COL6A3: variants seen among roughly 807,000 people sequenced by gnomAD.
COL6A3 encodes collagen type VI alpha 3 chain, also known as collagen alpha-3(VI) chain.
COL6A3 carries 137 observed loss-of-function variants against 274.1 expected under a neutral mutation model. The observed-to-expected ratio is 0.50, with a 90% CI of 0.44 to 0.58. The LOEUF is 0.58. Among genes scored for constraint, COL6A3 ranks in the 20% least tolerant of loss-of-function variants. COL6A3 has a pLI of 0.00. For synonymous variants in COL6A3, 1,650 were observed against 1,650.6 expected (o/e 1.00, Z 0.01); for missense variants, 3,950 against 4,124.9 (o/e 0.96, Z 1.16).
Position 237,330,594 on chromosome 2 carries a change from T to C in COL6A3, c.9328+2856A>G, listed in dbSNP as rs145953982. 2.7e-3 allele frequency among the ~76,000 whole-genome samples: 408 copies of C among 152,312 alleles called. 9 individuals are homozygous for C. Among genetic ancestry groups the C allele is most frequent in the Admixed American group, 0.025 (378 of 15,290 alleles). On this transcript the variant is annotated intron_variant, in intron 42 of 43. Transcript: ENST00000295550. ...GCTAACGATGCCCTAGGTATATTAA[T>C]GGAATCAAGGCCTGTTAACAGAATC...
In COL6A3 at chr2:237,348,339, G is replaced by C. The variant is rs995436631; in HGVS notation, c.6966+10C>G. 2 of 1,605,844 alleles carry C rather than the reference G, an allele frequency of 1.2e-6. No individual in the cohort carries two copies. Among genetic ancestry groups the C allele is most frequent in the African/African-American group, 2.7e-5 (2 of 74,736 alleles). On this transcript the variant is annotated intron_variant, in intron 30 of 43. Coordinates refer to ENST00000295550, the MANE Select transcript of COL6A3 (RefSeq NM_004369.4). ...TCATGATGATGCTTCACCGACCAGG[G>C]ATTATTTACCTTTGGTCCTGGGTAT...
intron 40 of COL6A3, among the ~76,000 whole-genome samples, 158 bp from the exon 41 acceptor site, chr2:237,335,047 A>T (rs1051707538): frequency 1.3e-5 from 2 of 152,226 alleles, no homozygotes; most frequent in Admixed American, 1.3e-4. Flanking sequence ...CCCCTAAAAA[A>T]CATTGCTCTT....
At chr2:237,360,502 C>T (rs2077411642) in intron 16 of COL6A3, among the ~76,000 whole-genome samples, 1 of 152,124 alleles carries the variant, frequency 6.6e-6, no homozygotes, top group South Asian at 2.1e-4. Context: ...CCAAGTGATG[C>T]TTGATTCCCA....
intron 1 of COL6A3, among the ~76,000 whole-genome samples, chr2:237,398,071 G>A (rs1039465634): frequency 1.3e-5 from 2 of 152,228 alleles, no homozygotes; most frequent in Non-Finnish European, 2.9e-5. Flanking sequence ...GGAGAGAACG[G>A]GCTTTGCCCA....
At chr2:237,392,955 C>A (rs764726194) in intron 3 of COL6A3, among the ~76,000 whole-genome samples, 17 of 152,184 alleles carry the variant, frequency 1.1e-4, no homozygotes, top group Admixed American at 2.0e-4. Flanking sequence ...AGCAGCGTCT[C>A]CAACTTGCAC....
chr2:237,381,381 G>T lies in COL6A3; in HGVS notation c.1431C>A (p.Ile477=). The change falls in exon 5 of 44, where the codon ATC becomes ATA. Residue 477 remains isoleucine, a synonymous_variant. Coordinates refer to ENST00000295550, the MANE Select transcript of COL6A3 (RefSeq NM_004369.4). Reference sequence around the variant, plus strand: ...CTGCCACCTGGATAAGATCCTGTCCGATTTCCAGCCTCTGGATGACTTTAG... The same window carrying T: ...CTGCCACCTGGATAAGATCCTGTCCTATTTCCAGCCTCTGGATGACTTTAG... ...FIAKVIQRLE[I]GQDLIQVAVA... 6.2e-7 allele frequency: 1 copy of T among 1,614,162 alleles called. No individual in the cohort carries two copies. The highest frequency in any genetic ancestry group is 8.5e-7 in the Non-Finnish European group (1 of 1,180,046).
Position 237,376,813 on chromosome 2 carries a change from A to G in COL6A3, c.3029T>C (p.Val1010Ala), listed in dbSNP as rs2077854168. Residue 1010 changes from valine to alanine, a missense_variant, in exon 7 of 44, where the codon GTG (valine) becomes GCG (alanine). Physicochemically the swap from Val to Ala is moderately conservative, Grantham distance 64. Transcript: ENST00000295550. ...GTTGTGCACTGATTTTAAGAGATTC[A>G]CTATCTGTGGATGAAGATCTCCAAT... is the stretch of plus-strand genomic sequence containing the variant. ...PKIGDLHPQI[V>A]NLLKSVHNGA... is the part of the protein sequence containing the mutation. The G allele has an allele frequency of 1.2e-6, 2 of 1,614,218 alleles. No homozygotes were observed. Among genetic ancestry groups the G allele is most frequent in the Non-Finnish European group, 1.7e-6 (2 of 1,180,042 alleles).
chr2:237,360,726 C>T (rs1311174012), intron 16 of COL6A3, among the ~76,000 whole-genome samples: 1 of 152,162 alleles, frequency 6.6e-6, no homozygotes, highest in African/African-American at 2.4e-5. Flanking sequence ...GCAACATCCC[C>T]TCCAGGGACT....
chr2:237,370,012 T>A (rs1487452726), intron 9 of COL6A3, among the ~76,000 whole-genome samples: 2 of 151,738 alleles, frequency 1.3e-5, no homozygotes, highest in Non-Finnish European at 2.9e-5. Context: ...CTTTATTTTT[T>A]AAATTTCATT....
intron 7 of COL6A3, among the ~76,000 whole-genome samples, chr2:237,376,111 A>C (rs2077831750): frequency 6.6e-6 from 1 of 152,210 alleles, no homozygotes; most frequent in African/African-American, 2.4e-5. Flanking sequence ...AACGGAACCC[A>C]GATGTCGGAG....
Position 237,374,263 on chromosome 2 carries a change from G to T in COL6A3, c.3679+149C>A. The T allele has an allele frequency of 1.9e-6, 2 of 1,071,630 alleles. No homozygotes were observed. Among genetic ancestry groups the T allele is most frequent in the Admixed American group, 1.8e-5 (1 of 54,992 alleles). 66.4% of individuals were successfully genotyped at this position (1,071,630 alleles called of 1,614,324 possible). A position where few individuals can be genotyped will look rare whatever the true frequency, so the allele number is the denominator to read the frequency against. On this transcript the variant is annotated intron_variant, in intron 8 of 43. Coordinates refer to ENST00000295550, the MANE Select transcript of COL6A3 (RefSeq NM_004369.4). This position sits in a 1 kb window ranked among gnomAD's most constrained non-coding sequence, Gnocchi z 4.8. ...ATTTCTGCCCATCGAGGCCAAAAAG[G>T]GCATGTGGGTTCCTAAATTTTCCTG...
At position 237,364,471 on chromosome 2, in the gene COL6A3, G is replaced by A; in HGVS notation, c.5839-43C>T. On this transcript the variant is annotated intron_variant, in intron 12 of 43. Coordinates refer to ENST00000295550, the MANE Select transcript of COL6A3 (RefSeq NM_004369.4). This position sits in a 1 kb window ranked among gnomAD's most constrained non-coding sequence, Gnocchi z 4.6. Reference sequence around the variant, plus strand: ...GTCAAATCCCAGGAAAACTAAAAAGGAGTGTTGCAGACTGCTGATAGAAAA... The same window carrying A: ...GTCAAATCCCAGGAAAACTAAAAAGAAGTGTTGCAGACTGCTGATAGAAAA... The A allele has an allele frequency of 1.4e-6, 2 of 1,450,684 alleles. No individual in the cohort carries two copies. Among genetic ancestry groups the A allele is most frequent in the Non-Finnish European group, 9.7e-7 (1 of 1,032,216 alleles). The allele number at this position is 1,450,684 out of a possible 1,614,324, so 89.9% of individuals were successfully genotyped here.
chr2:237,368,516 A>G lies in COL6A3; in HGVS notation c.4900+47T>C. On this transcript the variant is annotated intron_variant, in intron 10 of 43. Transcript: ENST00000295550. This position sits in a 1 kb window ranked among gnomAD's most constrained non-coding sequence, Gnocchi z 4.4. ...ACTGATTACTTTTTTAACTAAAAAA[A>G]AAATGTTGATGTCACACTCTGTAGT... 1 of 1,601,018 alleles carries G rather than the reference A, an allele frequency of 6.2e-7. No individual in the cohort carries two copies. Among genetic ancestry groups the G allele is most frequent in the Non-Finnish European group, 8.5e-7 (1 of 1,172,846 alleles).
rs1423293541 is a variant in COL6A3 at position 237,344,731 on chromosome 2, C to G, written c.7287G>C (p.Val2429=). ...TGCTCTCAGCAATGGTCAGGTCATTCACAATACTCAAGACCACATCTCGCA... is the reference window on the plus strand; with the variant it reads ...TGCTCTCAGCAATGGTCAGGTCATTGACAATACTCAAGACCACATCTCGCA... ...GRMRDVVLSI[V]NDLTIAESNC... Residue 2429 remains valine, a synonymous_variant, in exon 36 of 44, where the codon GTG becomes GTC. Transcript: ENST00000295550. The surrounding 1 kb of genome is among the most constrained non-coding windows in gnomAD (Gnocchi z 4.8). 6.2e-7 allele frequency: 1 copy of G among 1,603,214 alleles called. No individual in the cohort carries two copies. The highest frequency in any genetic ancestry group is 8.5e-7 in the Non-Finnish European group (1 of 1,174,708).
rs1263776779 is a variant in COL6A3, at chr2:237,363,409, A to G, written c.5918-11T>C. On this transcript the variant is annotated splice_polypyrimidine_tract_variant and intron_variant, in intron 13 of 43. Coordinates refer to ENST00000295550, the MANE Select transcript of COL6A3 (RefSeq NM_004369.4). ...TCAAGGCACGGACTCCTGCAAAGAA[A>G]GACACATTTAATACAGCTCACCTAG... 1.4e-5 allele frequency: 22 copies of G among 1,614,094 alleles called. No homozygotes were observed. The highest frequency in any genetic ancestry group is 1.9e-5 in the Non-Finnish European group (22 of 1,180,040).
intron 1 of COL6A3, among the ~76,000 whole-genome samples, chr2:237,403,334 A>G (rs1040139450): frequency 4.6e-5 from 7 of 152,222 alleles, no homozygotes; most frequent in Non-Finnish European, 7.4e-5. Context: ...AATGAACACC[A>G]GGACCCATGT....
intron 31 of COL6A3, among the ~76,000 whole-genome samples, chr2:237,347,098 G>A (rs1199809795): frequency 1.3e-5 from 2 of 151,936 alleles, no homozygotes; most frequent in Non-Finnish European, 2.9e-5. Context: ...ATTTTAAGAG[G>A]GTGAGTAAAC....
chr2:237,345,165 G>A lies in COL6A3; in HGVS notation c.7125+16C>T. On this transcript the variant is annotated intron_variant, in intron 33 of 43. Transcript: ENST00000295550. ...CTCATGAGGTTAATGAGTCATTCTGGACACATGCAACTTACATCGATGGAG... is the reference window on the plus strand; with the variant it reads ...CTCATGAGGTTAATGAGTCATTCTGAACACATGCAACTTACATCGATGGAG... 1.2e-6 allele frequency: 2 copies of A among 1,614,164 alleles called. No individual in the cohort carries two copies. Among genetic ancestry groups the A allele is most frequent in the African/African-American group, 1.3e-5 (1 of 75,038 alleles).
rs902616807 is a variant in COL6A3, at chr2:237,398,559, C to T, written c.-30-1712G>A. On this transcript the variant is annotated intron_variant, in intron 1 of 43. Transcript: ENST00000295550. ...CAGGACAGCATCTTTTTTCTCCTCT[C>T]CTTAATGCAGGATTCTGGTTTCCTT... Among the ~76,000 whole-genome samples the T allele has an allele frequency of 3.9e-5, 6 of 152,304 alleles. No individual in the cohort carries two copies. In the South Asian group the frequency reaches 1.2e-3, roughly 32 times the overall value.
Sources: gnomAD v4.1 joint callset for allele counts (sites outside exome capture counted in the v4.1 genomes callset) on GRCh38, gnomAD v4.1.1 for gene constraint, Gnocchi (gnomAD v3.1) non-coding constraint, MANE v1.5 for transcripts, NCBI Gene and HGNC (gene_info 2026-07-23, HGNC 2026-07-21) for gene names.